RFTN1: variants seen among roughly 807,000 people sequenced by gnomAD.
The protein encoded by RFTN1 is raftlin, lipid raft linker 1.
In RFTN1, 26 loss-of-function variants were observed where a neutral mutation model predicts 46.5. The observed-to-expected ratio is 0.56, with a 90% CI of 0.41 to 0.78. The LOEUF is 0.78. Among genes scored for constraint, RFTN1 ranks in the 30% least tolerant of loss-of-function variants. The pLI is 0.00. For synonymous variants in RFTN1, 261 were observed against 284.2 expected (o/e 0.92, Z 0.82); for missense variants, 693 against 718.7 (o/e 0.96, Z 0.41).
At position 16,352,799 on chromosome 3, in the gene RFTN1, A is replaced by G. The variant is rs9826957; in HGVS notation, c.1146+5133T>C. 0.015 allele frequency among the ~76,000 whole-genome samples: 2,252 copies of G among 152,322 alleles called. 59 individuals are homozygous for G. The highest frequency in any genetic ancestry group is 0.05 in the African/African-American group (2,089 of 41,550). ...GGTTGTTACCAGTATCCCCATTTAT[A>G]CAACTGAAAATAGAAAAAGCAGGTG... is the stretch of plus-strand genomic sequence containing the variant. On this transcript the variant is annotated intron_variant, in intron 7 of 9. Transcript: ENST00000334133. The surrounding 1 kb of genome is among the most constrained non-coding windows in gnomAD (Gnocchi z 4.6).
rs973281229 is a variant in RFTN1 at position 16,321,204 on chromosome 3, G to A, written c.1332+2172C>T. Among the ~76,000 whole-genome samples the A allele has an allele frequency of 6.6e-6, 1 of 152,176 alleles. No homozygotes were observed. The highest frequency in any genetic ancestry group is 2.4e-5 in the African/African-American group (1 of 41,432). The stretch of plus-strand genomic sequence containing the variant: ...CAGTCATAGGTTTCCTCGAGCCACA[G>A]GATGGATGGAGCTGGAGTCTTGGGG... On this transcript the variant is annotated intron_variant, in intron 9 of 9. Coordinates refer to ENST00000334133, the MANE Select transcript of RFTN1 (RefSeq NM_015150.2). This position sits in a 1 kb window ranked among gnomAD's most constrained non-coding sequence, Gnocchi z 4.8.
chr3:16,364,893 C>T (rs962357790), intron 6 of RFTN1, among the ~76,000 whole-genome samples: 6 of 152,152 alleles, frequency 3.9e-5, no homozygotes, highest in Non-Finnish European at 8.8e-5. Flanking sequence ...GCGTGGGGCA[C>T]GCAGGGGCTT....
Position 16,334,580 on chromosome 3 carries a change from A to G in RFTN1, c.1147-7704T>C, listed in dbSNP as rs529628460. On this transcript the variant is annotated intron_variant, in intron 7 of 9. Coordinates refer to ENST00000334133, the MANE Select transcript of RFTN1 (RefSeq NM_015150.2). This position sits in a 1 kb window ranked among gnomAD's most constrained non-coding sequence, Gnocchi z 4.3. ...TCAGAGAACTGGGCAATGGCTGCTC[A>G]TGTGTTGAGCCGGGGCATACAGGAT... 3.8e-4 allele frequency among the ~76,000 whole-genome samples: 58 copies of G among 152,288 alleles called. 2 individuals are homozygous for G. In the South Asian group the frequency reaches 0.011, roughly 29 times the overall value.
intron 2 of RFTN1, among the ~76,000 whole-genome samples, chr3:16,472,824 T>C (rs1203850008): frequency 2.6e-5 from 4 of 152,160 alleles, no homozygotes; most frequent in Admixed American, 6.5e-5. Context: ...ATTAACACAA[T>C]GTTACACGAC....
chr3:16,505,287 G>A (rs1437290565), intron 1 of RFTN1, among the ~76,000 whole-genome samples: 2 of 152,078 alleles, frequency 1.3e-5, no homozygotes, highest in Non-Finnish European at 2.9e-5. Context: ...CTAGAGTGAA[G>A]TCAGGCTAAG....
rs1468791295 is a variant in RFTN1 at position 16,407,154 on chromosome 3, G to C, written c.441+2221C>G. Among the ~76,000 whole-genome samples, 1 of 152,128 alleles carries C rather than the reference G, an allele frequency of 6.6e-6. No homozygotes were observed. The highest frequency in any genetic ancestry group is 3.2e-3 in the Middle Eastern group (1 of 316). ...CCATGCAATAACCTAATTTGGTTAA[G>C]ACAAAGTCACCAACTCATATCAACT... On this transcript the variant is annotated intron_variant, in intron 4 of 9. Coordinates refer to ENST00000334133, the MANE Select transcript of RFTN1 (RefSeq NM_015150.2). The surrounding 1 kb of genome is among the most constrained non-coding windows in gnomAD (Gnocchi z 4.0).
rs1420225119 is a variant in RFTN1, at chr3:16,402,897, AGGAGATCAG to A, written c.441+6469_441+6477del. Among the ~76,000 whole-genome samples the A allele has an allele frequency of 1.3e-5, 2 of 152,166 alleles. No homozygotes were observed. The highest frequency in any genetic ancestry group is 4.8e-5 in the African/African-American group (2 of 41,432). ...CAGTGCAAGATGAACCTAGTTCTTA[AGGAGATCAG>A]GGAGGTCAGGAGCTCCATCACAAAA... On this transcript the variant is annotated intron_variant, in intron 4 of 9. Coordinates refer to ENST00000334133, the MANE Select transcript of RFTN1 (RefSeq NM_015150.2). The surrounding 1 kb of genome is among the most constrained non-coding windows in gnomAD (Gnocchi z 4.5).
At chr3:16,401,912 T>A (rs1215606829) in intron 4 of RFTN1, among the ~76,000 whole-genome samples, 1 of 152,232 alleles carries the variant, frequency 6.6e-6, no homozygotes, top group Non-Finnish European at 1.5e-5. Context: ...CCCCTTGAGA[T>A]GGGCATGTGC....
intron 5 of RFTN1, among the ~76,000 whole-genome samples, chr3:16,372,939 G>A (rs920794096): frequency 6.6e-6 from 1 of 152,152 alleles, no homozygotes; most frequent in African/African-American, 2.4e-5. Context: ...ACCCTTGTAC[G>A]CTCCTCTGCC....
In RFTN1 at chr3:16,383,313, G is replaced by T. The variant is rs1171163697; in HGVS notation, c.442-5211C>A. Among the ~76,000 whole-genome samples the T allele has an allele frequency of 1.3e-5, 2 of 152,116 alleles. No homozygotes were observed. Among genetic ancestry groups the T allele is most frequent in the African/African-American group, 4.8e-5 (2 of 41,406 alleles). On this transcript the variant is annotated intron_variant, in intron 4 of 9. Coordinates refer to ENST00000334133, the MANE Select transcript of RFTN1 (RefSeq NM_015150.2). This position sits in a 1 kb window ranked among gnomAD's most constrained non-coding sequence, Gnocchi z 4.0. Reference sequence around the variant, plus strand: ...TTCTGCTGCCTGTAAGAACCCACCTGCCCCAAATACTTAAAGAGTAACAAT... The same window carrying T: ...TTCTGCTGCCTGTAAGAACCCACCTTCCCCAAATACTTAAAGAGTAACAAT...
At position 16,326,753 on chromosome 3, in the gene RFTN1, A is replaced by G. The variant is rs757629774; in HGVS notation, c.1250+20T>C. ...AGAGTAAGTGTTCAATAGAATCCTA[A>G]TGATTACTGTTATTGTTACCTGGTA... is the stretch of plus-strand genomic sequence containing the variant. On this transcript the variant is annotated intron_variant, in intron 8 of 9. Coordinates refer to ENST00000334133, the MANE Select transcript of RFTN1 (RefSeq NM_015150.2). The G allele has an allele frequency of 1.5e-5, 24 of 1,576,166 alleles. No individual in the cohort carries two copies. Among genetic ancestry groups the G allele is most frequent in the Non-Finnish European group, 1.9e-5 (22 of 1,145,814 alleles).
At chr3:16,469,734 C>T (rs919372802) in intron 2 of RFTN1, among the ~76,000 whole-genome samples, 1 of 152,220 alleles carries the variant, frequency 6.6e-6, no homozygotes, top group Non-Finnish European at 1.5e-5. Context: ...TGCTTGCTCA[C>T]CTTGAACATG....
rs1042491762 is a variant in RFTN1 at position 16,320,601 on chromosome 3, A to G, written c.1332+2775T>C. 6.6e-6 allele frequency among the ~76,000 whole-genome samples: 1 copy of G among 152,228 alleles called. No individual in the cohort carries two copies. Among genetic ancestry groups the G allele is most frequent in the African/African-American group, 2.4e-5 (1 of 41,456 alleles). On this transcript the variant is annotated intron_variant, in intron 9 of 9. Coordinates refer to ENST00000334133, the MANE Select transcript of RFTN1 (RefSeq NM_015150.2). This position sits in a 1 kb window ranked among gnomAD's most constrained non-coding sequence, Gnocchi z 4.5. ...AGCCCAAAGGAGAGCTCTGAAGGAG[A>G]AGAACGTGGTTCTTTTCCAGGGTAG...
chr3:16,372,950 C>T (rs766266661), intron 5 of RFTN1, among the ~76,000 whole-genome samples: 16 of 152,152 alleles, frequency 1.1e-4, no homozygotes, highest in Non-Finnish European at 2.1e-4. Context: ...CTCCTCTGCC[C>T]CATCATCTCC....
rs893619551 is a variant in RFTN1, at chr3:16,507,368, T to C, written c.-9+6074A>G. ...AAAAGACCTCTCTAAATTAAAGAAGTGTTTAAATAAACAACCTGATTTCTT... is the reference window on the plus strand; with the variant it reads ...AAAAGACCTCTCTAAATTAAAGAAGCGTTTAAATAAACAACCTGATTTCTT... On this transcript the variant is annotated intron_variant, in intron 1 of 9. Coordinates refer to ENST00000334133, the MANE Select transcript of RFTN1 (RefSeq NM_015150.2). This position sits in a 1 kb window ranked among gnomAD's most constrained non-coding sequence, Gnocchi z 7.1. Among the ~76,000 whole-genome samples the C allele has an allele frequency of 2.3e-4, 35 of 152,184 alleles. No individual in the cohort carries two copies. The highest frequency in any genetic ancestry group is 8.2e-4 in the African/African-American group (34 of 41,430).
chr3:16,476,588 A>G (rs971219659), intron 2 of RFTN1, among the ~76,000 whole-genome samples: 7 of 152,170 alleles, frequency 4.6e-5, no homozygotes, highest in African/African-American at 1.7e-4. Flanking sequence ...GGCAGAGACT[A>G]TAAGGATGGG....
chr3:16,403,671 T>A lies in RFTN1; in HGVS notation c.441+5704A>T, dbSNP rs1214194782. 1.6e-3 allele frequency among the ~76,000 whole-genome samples: 36 copies of A among 22,976 alleles called. 1 individual carries two copies. Among genetic ancestry groups the A allele is most frequent in the Non-Finnish European group, 1.8e-3 (22 of 12,344 alleles). 15.1% of individuals were successfully genotyped at this position (22,976 alleles called of 152,430 possible). A position where few individuals can be genotyped will look rare whatever the true frequency, so the allele number is the denominator to read the frequency against. ...ATATATAATATATATTTTATGTATA[T>A]AATATATAATATATATATAATATAT... On this transcript the variant is annotated intron_variant, in intron 4 of 9. Transcript: ENST00000334133.
rs954628876 is a variant in RFTN1 at position 16,407,764 on chromosome 3, T to G, written c.441+1611A>C. Among the ~76,000 whole-genome samples, 2 of 152,202 alleles carry G rather than the reference T, an allele frequency of 1.3e-5. No homozygotes were observed. The highest frequency in any genetic ancestry group is 4.8e-5 in the African/African-American group (2 of 41,448). On this transcript the variant is annotated intron_variant, in intron 4 of 9. Transcript: ENST00000334133. The surrounding 1 kb of genome is among the most constrained non-coding windows in gnomAD (Gnocchi z 4.0). ...TAAAACACTTGTGTTCTCAGGCTTA[T>G]GCGTATGTGAACAAAAGCTACTTCC...
At chr3:16,510,438 T>C (rs1037356758) in intron 1 of RFTN1, among the ~76,000 whole-genome samples, 7 of 152,386 alleles carry the variant, frequency 4.6e-5, no homozygotes, top group Admixed American at 3.9e-4. Flanking sequence ...TTCCCTTCTC[T>C]GAAAATCTCT....
Sources: allele counts gnomAD v4.1 joint callset (sites outside exome capture counted in the v4.1 genomes callset), GRCh38; gene constraint gnomAD v4.1.1; non-coding constraint Gnocchi (gnomAD v3.1); transcripts MANE v1.5; gene names NCBI Gene and HGNC (gene_info 2026-07-23, HGNC 2026-07-21).